AMBRA1: variants seen among roughly 807,000 people sequenced by gnomAD.
AMBRA1 encodes the protein autophagy and beclin 1 regulator 1.
AMBRA1 carries 47 observed loss-of-function variants against 125.4 expected under a neutral mutation model. That is an observed-to-expected ratio of 0.37 (90% CI 0.30 to 0.48). AMBRA1 has a LOEUF of 0.48. Among genes scored for constraint, AMBRA1 ranks in the 20% least tolerant of loss-of-function variants. The pLI, the probability that AMBRA1 is intolerant of heterozygous loss-of-function variation, is 0.99. For synonymous variants in AMBRA1, 626 were observed against 655.5 expected (o/e 0.95, Z 0.69); for missense variants, 1,331 against 1,693.4 (o/e 0.79, Z 3.76).
At chr11:46,398,774 C>G (rs1945576200) in intron 17 of AMBRA1, among the ~76,000 whole-genome samples, 1 of 151,226 alleles carries the variant, frequency 6.6e-6, no homozygotes, top group South Asian at 2.1e-4. Flanking sequence ...CTGCGCCTGG[C>G]CTATTTTATT....
At chr11:46,449,269 T>C (rs750926138) in intron 11 of AMBRA1, among the ~76,000 whole-genome samples, 1 of 152,192 alleles carries the variant, frequency 6.6e-6, no homozygotes, top group Non-Finnish European at 1.5e-5. Flanking sequence ...TGTTGCCAGA[T>C]GACATCACTG....
intron 1 of AMBRA1, among the ~76,000 whole-genome samples, chr11:46,559,601 C>G (rs897405746): frequency 6.6e-6 from 1 of 152,154 alleles, no homozygotes; most frequent in African/African-American, 2.4e-5. Flanking sequence ...TTACACCTTT[C>G]GAGCTTGAGA....
intron 7 of AMBRA1, among the ~76,000 whole-genome samples, chr11:46,523,285 T>C (rs1951834606): frequency 6.6e-6 from 1 of 152,222 alleles, no homozygotes; most frequent in African/African-American, 2.4e-5. Context: ...TGATCTTGAC[T>C]TCAGCAACCA....
At chr11:46,530,246 A>C (rs1418758571) in intron 7 of AMBRA1, among the ~76,000 whole-genome samples, 1 of 152,202 alleles carries the variant, frequency 6.6e-6, no homozygotes, top group Middle Eastern at 3.2e-3. Flanking sequence ...AGAAGCGATT[A>C]CATCTTTTCA....
chr11:46,428,765 C>A, intron 14 of AMBRA1: 1 of 1,610,934 alleles, frequency 6.2e-7, no homozygotes, highest in Non-Finnish European at 8.5e-7. Flanking sequence ...CACAGCACTC[C>A]GTCTGTAGGT....
At chr11:46,441,969 A>AAT (rs1948032861) in intron 12 of AMBRA1, among the ~76,000 whole-genome samples, 4 of 141,572 alleles carry the variant, frequency 2.8e-5, no homozygotes, top group Non-Finnish European at 3.1e-5. Flanking sequence ...AAAAAAAAAA[A>AAT]CTTTTTTTTT....
At chr11:46,589,536 GAA>G (rs1180109924) in intron 1 of AMBRA1, among the ~76,000 whole-genome samples, 1 of 152,054 alleles carries the variant, frequency 6.6e-6, no homozygotes, top group Non-Finnish European at 1.5e-5. Flanking sequence ...GCATATCTTA[GAA>G]AAAGACACCT....
intron 14 of AMBRA1, among the ~76,000 whole-genome samples, chr11:46,426,606 GC>G (rs1305974703): frequency 1.3e-5 from 2 of 151,858 alleles, no homozygotes; most frequent in African/African-American, 4.8e-5. Context: ...TTTTTATCTT[GC>G]CCCCCTCCCT....
intron 7 of AMBRA1, among the ~76,000 whole-genome samples, chr11:46,513,542 C>T (rs76713300): frequency 2.6e-3 from 402 of 152,268 alleles, no homozygotes; most frequent in Non-Finnish European, 4.4e-3. Flanking sequence ...TGACTACATA[C>T]ATGAGAACAC....
chr11:46,480,226 G>T (rs538936055), intron 11 of AMBRA1, among the ~76,000 whole-genome samples: 2 of 152,222 alleles, frequency 1.3e-5, no homozygotes, highest in Non-Finnish European at 2.9e-5. Context: ...AGTCCTTTCT[G>T]CCATGTAAAG....
chr11:46,419,995 T>TACACACACACACATACACACACACAC (rs1946767744), intron 14 of AMBRA1, among the ~76,000 whole-genome samples: 1 of 129,106 alleles, frequency 7.7e-6, no homozygotes, highest in Middle Eastern at 3.8e-3. Context: ...GTGTCCTCAA[T>TACACACACACACATACACACACACAC]ACACACACAC....
At chr11:46,468,068 A>G (rs1949404328) in intron 11 of AMBRA1, among the ~76,000 whole-genome samples, 1 of 152,228 alleles carries the variant, frequency 6.6e-6, no homozygotes, top group African/African-American at 2.4e-5. Context: ...CTATTCTTCC[A>G]GGGCATAGGA....
intron 3 of AMBRA1, 35 bp from the exon 4 acceptor site, chr11:46,547,331 C>T: frequency 6.4e-7 from 1 of 1,559,888 alleles, no homozygotes; most frequent in Non-Finnish European, 8.7e-7. Context: ...AATTCAGAAG[C>T]ATGTGGAAGG....
chr11:46,458,746 G>A (rs1323833036), intron 11 of AMBRA1, among the ~76,000 whole-genome samples: 1 of 152,118 alleles, frequency 6.6e-6, no homozygotes, highest in Non-Finnish European at 1.5e-5. Flanking sequence ...AAAAGCTTGA[G>A]TCACCATGAC....
chr11:46,506,058 T>C (rs1207655986), intron 9 of AMBRA1, among the ~76,000 whole-genome samples: 1 of 152,208 alleles, frequency 6.6e-6, no homozygotes, highest in Non-Finnish European at 1.5e-5. Context: ...TTTCAACTGC[T>C]TCCCTGAATA....
Position 46,427,866 on chromosome 11 carries a change from G to A in AMBRA1, c.2976+5608C>T, listed in dbSNP as rs139400895. Among the ~76,000 whole-genome samples the A allele has an allele frequency of 4.3e-3, 652 of 152,084 alleles. 3 individuals are homozygous for A. The highest frequency in any genetic ancestry group is 0.013 in the African/African-American group (531 of 41,486). On this transcript the variant is annotated intron_variant, in intron 14 of 17. Transcript: ENST00000683756. ...TCTACTAAAAATACAAAAATTAGCC[G>A]GGAGTGGTGGCGAGTGCCTGTAGAC...
At chr11:46,449,554 T>C (rs1590835184) in intron 11 of AMBRA1, among the ~76,000 whole-genome samples, 1 of 152,214 alleles carries the variant, frequency 6.6e-6, no homozygotes, top group African/African-American at 2.4e-5. Flanking sequence ...AGATATTCCA[T>C]GTTCATGAAT....
intron 11 of AMBRA1, among the ~76,000 whole-genome samples, chr11:46,478,648 C>CTTTTTTTTT (rs11449187): frequency 4.0e-4 from 33 of 82,146 alleles, no homozygotes; most frequent in Non-Finnish European, 4.5e-4. Context: ...TCTTTTTTCT[C>CTTTTTTTTT]TTTTTTTTTT....
At chr11:46,473,737 G>A (rs1259542589) in intron 11 of AMBRA1, among the ~76,000 whole-genome samples, 1 of 152,132 alleles carries the variant, frequency 6.6e-6, no homozygotes, top group East Asian at 1.9e-4. Flanking sequence ...TGCAAGCTCC[G>A]CCTCGCGGGT....
Sources: allele counts gnomAD v4.1 joint callset (sites outside exome capture counted in the v4.1 genomes callset), GRCh38; gene constraint gnomAD v4.1.1; transcripts MANE v1.5; gene names NCBI Gene and HGNC (gene_info 2026-07-23, HGNC 2026-07-21).